The following CLIC2 variants were observed in gnomAD, a reference collection of about 807,000 sequenced individuals.
CLIC2 encodes chloride intracellular channel protein 2.
Under a neutral mutation model 14.8 loss-of-function variants are expected in CLIC2, and 9 were observed. The observed-to-expected ratio is 0.61, with a 90% confidence interval of 0.37 to 1.06. The LOEUF is 1.06. Ranked by LOEUF, CLIC2 falls within the 50% of genes least tolerant of loss-of-function variation. The probability of loss-of-function intolerance (pLI) is 0.01; values close to 1 mark genes in which losing one functional copy is unlikely to be tolerated. For missense variants in CLIC2, 148 were observed against 181.4 expected (o/e 0.82, Z 1.06); for synonymous variants, 61 against 66.3 (o/e 0.92, Z 0.39).
At chrX:155,290,599 A>G in intron 3 of CLIC2, 1 of 680,818 alleles carries the variant, frequency 1.5e-6, no homozygotes, top group Non-Finnish European at 2.4e-6. Context: ...CTGCATGTGT[A>G]TCTGGGCATT....
chrX:155,289,537 C>T (rs1452404985), intron 3 of CLIC2, among the ~76,000 whole-genome samples: 4 of 112,091 alleles, frequency 3.6e-5, no homozygotes, highest in Non-Finnish European at 5.6e-5. Context: ...TGACAAAGAA[C>T]ACAATTTGCC....
chrX:155,284,696 C>A (rs1224104514), intron 3 of CLIC2, among the ~76,000 whole-genome samples: 1 of 111,958 alleles, frequency 8.9e-6, no homozygotes, highest in East Asian at 2.8e-4. Context: ...TGGGGAAGCT[C>A]TAGTGCAGGT....
At chrX:155,299,437 C>G (rs2075007025) in intron 1 of CLIC2, among the ~76,000 whole-genome samples, 1 of 111,154 alleles carries the variant, frequency 9.0e-6, no homozygotes, top group Admixed American at 9.6e-5. Context: ...ACTCTAAGCA[C>G]TTCAGAAACA....
intron 1 of CLIC2, among the ~76,000 whole-genome samples, chrX:155,327,426 T>C (rs1242741230): frequency 1.8e-5 from 2 of 111,346 alleles, no homozygotes; most frequent in African/African-American, 6.5e-5. Flanking sequence ...GGTGGTATCA[T>C]GGATGATTTT....
intron 1 of CLIC2, among the ~76,000 whole-genome samples, chrX:155,318,523 T>C (rs1441118828): frequency 8.9e-6 from 1 of 111,960 alleles, no homozygotes; most frequent in Non-Finnish European, 1.9e-5. Context: ...GAAAGACCTC[T>C]ACAAAGAAAA....
intron 1 of CLIC2, among the ~76,000 whole-genome samples, chrX:155,314,819 C>A (rs1394935605): frequency 9.0e-6 from 1 of 111,166 alleles, no homozygotes; most frequent in Non-Finnish European, 1.9e-5. Context: ...TTAAAGAAAT[C>A]ATAAACATGA....
At chrX:155,303,930 G>A (rs1317443619) in intron 1 of CLIC2, among the ~76,000 whole-genome samples, 2 of 106,476 alleles carry the variant, frequency 1.9e-5, no homozygotes, top group Non-Finnish European at 3.9e-5. Context: ...CTGGCTTGTA[G>A]GGTTTCTGCC....
At chrX:155,280,990 G>GAGATATATATAT (rs1557316382) in intron 3 of CLIC2, among the ~76,000 whole-genome samples, 2 of 89,918 alleles carry the variant, frequency 2.2e-5, no homozygotes, top group African/African-American at 8.2e-5. Flanking sequence ...GAAATTGTGA[G>GAGATATATATAT]ATATATATAT....
At chrX:155,306,307 C>G (rs960236645) in intron 1 of CLIC2, among the ~76,000 whole-genome samples, 4 of 111,309 alleles carry the variant, frequency 3.6e-5, no homozygotes, top group African/African-American at 1.3e-4. Context: ...GCACCTCCCC[C>G]CTTGCTCTCT....
Position 155,298,804 on chromosome X carries a change from G to T in CLIC2, c.274C>A (p.Gln92Lys). The T allele has an allele frequency of 8.3e-7, 1 of 1,210,068 alleles. No individual in the cohort carries two copies. Among genetic ancestry groups the T allele is most frequent in the Non-Finnish European group, 1.1e-6 (1 of 894,205 alleles). Residue 92 changes from glutamine (Q) to lysine (K), a missense_variant, in exon 3 of 6, where the codon CAA (glutamine) becomes AAA (lysine). By Grantham distance (53) the Gln-to-Lys change is moderately conservative (BLOSUM62 1). Coordinates refer to ENST00000369449, the MANE Select transcript of CLIC2 (RefSeq NM_001289.6). ...CTGTACCTTGGAGGAGCCAGGGTTT[G>T]TTCTAAAAACTCCTCAATTTTAATG... The part of the protein sequence containing the change: ...DFIKIEEFLE[Q>K]TLAPPRYPHL...
At position 155,293,189 on chromosome X, in the gene CLIC2, A is replaced by G. The variant is rs1557318000; in HGVS notation, c.293+5596T>C. On this transcript the variant is annotated intron_variant, in intron 3 of 5. Coordinates refer to ENST00000369449, the MANE Select transcript of CLIC2 (RefSeq NM_001289.6). Reference sequence around the variant, plus strand: ...GTATCTGAAGGGGAAAGCTCTCCTGACAGCCAGGAGGACTCTTTCCAGGGA... The same window carrying G: ...GTATCTGAAGGGGAAAGCTCTCCTGGCAGCCAGGAGGACTCTTTCCAGGGA... The G allele has an allele frequency of 3.9e-6, 3 of 764,723 alleles. No homozygotes were observed. In the African/African-American group the frequency reaches 6.2e-5, roughly 16 times the overall value. 63.0% of individuals were successfully genotyped at this position (764,723 alleles called of 1,213,427 possible).
rs374672497 is a variant in CLIC2, at chrX:155,307,942, C to T, written c.58-8797G>A. Among the ~76,000 whole-genome samples, 7 of 110,751 alleles carry T rather than the reference C, an allele frequency of 6.3e-5. No individual in the cohort carries two copies. The South Asian group carries it at 1.2e-3, about 19-fold the overall frequency. On this transcript the variant is annotated intron_variant, in intron 1 of 5. Coordinates refer to ENST00000369449, the MANE Select transcript of CLIC2 (RefSeq NM_001289.6). ...AGCCAAATTAAAGCCTTCCCAAGAA[C>T]GATGGGTACAAACAGGCCCAGACTG...
intron 3 of CLIC2, among the ~76,000 whole-genome samples, chrX:155,284,014 G>C (rs1490585885): frequency 9.0e-6 from 1 of 111,024 alleles, no homozygotes; most frequent in Admixed American, 9.6e-5. Flanking sequence ...TTCTGTGTTG[G>C]GGCTCTCCTT....
At chrX:155,310,466 G>T in intron 1 of CLIC2, 1 of 270,862 alleles carries the variant, frequency 3.7e-6, no homozygotes, top group Admixed American at 3.9e-5. Context: ...ACTTGCATTT[G>T]CATTTTTCTC....
At chrX:155,305,273 G>A (rs1164963334) in intron 1 of CLIC2, among the ~76,000 whole-genome samples, 3 of 111,707 alleles carry the variant, frequency 2.7e-5, no homozygotes, top group African/African-American at 9.7e-5. Context: ...TGCGGGATAT[G>A]TGGTGCGCCG....
intron 3 of CLIC2, among the ~76,000 whole-genome samples, chrX:155,281,413 A>G (rs2074918925): frequency 9.0e-6 from 1 of 111,122 alleles, no homozygotes; most frequent in Non-Finnish European, 1.9e-5. Context: ...ACTTGACTGT[A>G]GTAATCATTT....
chrX:155,332,952 A>G (rs1391204910), intron 1 of CLIC2, among the ~76,000 whole-genome samples: 1 of 112,414 alleles, frequency 8.9e-6, no homozygotes, highest in Non-Finnish European at 1.9e-5. Context: ...CAGTTAGGAA[A>G]TTACAGCTCA....
At chrX:155,329,525 CAG>C (rs1420276011) in intron 1 of CLIC2, among the ~76,000 whole-genome samples, 1 of 107,550 alleles carries the variant, frequency 9.3e-6, no homozygotes, top group Non-Finnish European at 1.9e-5. Context: ...ATCCAAAAGA[CAG>C]GAAATAACAA....
chrX:155,323,972 G>A (rs2075126930), intron 1 of CLIC2, among the ~76,000 whole-genome samples: 1 of 112,167 alleles, frequency 8.9e-6, no homozygotes, highest in African/African-American at 3.2e-5. Context: ...TACAAGGGAT[G>A]TGAAGGACCT....
Sources: allele counts gnomAD v4.1 joint callset (sites outside exome capture counted in the v4.1 genomes callset), GRCh38; gene constraint gnomAD v4.1.1; transcripts MANE v1.5; gene names NCBI Gene and HGNC (gene_info 2026-07-23, HGNC 2026-07-21).